The following ANK2 variants were observed in gnomAD, a reference collection of about 807,000 sequenced individuals.
ANK2 encodes ankyrin-2.
ANK2 carries 83 observed loss-of-function variants against 360.5 expected under a neutral mutation model. The observed-to-expected ratio is 0.23, with a 90% CI of 0.19 to 0.28. The LOEUF (loss-of-function observed/expected upper bound fraction) is 0.28. Ranked by LOEUF, ANK2 falls within the 10% of genes least tolerant of loss-of-function variation. ANK2 has a pLI of 1.00. For missense variants in ANK2, 4,201 were observed against 4,795.7 expected, an observed-to-expected ratio of 0.88 and a Z score of 3.66; for synonymous variants, 1,740 against 1,759.5, an observed-to-expected ratio of 0.99 and a Z score of 0.28.
intron 4 of ANK2, among the ~76,000 whole-genome samples, chr4:113,228,878 T>G (rs2099256928): frequency 6.6e-6 from 1 of 152,178 alleles, no homozygotes; most frequent in African/African-American, 2.4e-5. Context: ...ATCTCCTACT[T>G]TGATGGGTAA....
Position 112,924,264 on chromosome 4 carries a change from G to C in ANK2, c.21+19750G>C, listed in dbSNP as rs191165778. 2.0e-5 allele frequency among the ~76,000 whole-genome samples: 3 copies of C among 152,012 alleles called. No homozygotes were observed. The East Asian group carries it at 5.8e-4, about 29-fold the overall frequency. On this transcript the variant is annotated intron_variant, in intron 2 of 30. Coordinates refer to the ANK2 transcript ENST00000503271. ...GGCCCCTGTAATCCCAGCTACTCGG[G>C]AGGCTGAGGCAGAGAATTGCTTGAA... is the stretch of plus-strand genomic sequence containing the variant.
At chr4:112,841,796 C>T (rs959634588) in intron 1 of ANK2, among the ~76,000 whole-genome samples, 8 of 152,162 alleles carry the variant, frequency 5.3e-5, no homozygotes, top group African/African-American at 1.9e-4. Flanking sequence ...AGCCCTACCA[C>T]AGGGCAAAGT....
At chr4:112,995,779 T>A (rs1554042022) in intron 2 of ANK2, among the ~76,000 whole-genome samples, 1 of 152,176 alleles carries the variant, frequency 6.6e-6, no homozygotes, top group Non-Finnish European at 1.5e-5. Context: ...TGGTGATAGG[T>A]AGGGGTCCAG....
chr4:113,145,623 T>C, intron 1 of ANK2: 1 of 1,091,110 alleles, frequency 9.2e-7, no homozygotes, highest in Non-Finnish European at 1.1e-6. Flanking sequence ...AAAAATAGAC[T>C]GGCAGCGCCT....
chr4:113,327,721 T>C (rs2153902344), intron 26 of ANK2, among the ~76,000 whole-genome samples: 1 of 152,320 alleles, frequency 6.6e-6, no homozygotes, highest in East Asian at 1.9e-4. Flanking sequence ...TTCCAAGTAA[T>C]GACGAAACCA....
chr4:112,802,957 T>A, the ANK2 span, among the ~76,000 whole-genome samples: 6 of 152,198 alleles, frequency 3.9e-5, no homozygotes, highest in African/African-American at 1.2e-4. Context: ...GCTCAACTGG[T>A]ACTCACTGGT....
chr4:112,738,700 C>T, the ANK2 span: 1 of 603,400 alleles, frequency 1.7e-6, no homozygotes, highest in African/African-American at 1.8e-5. Flanking sequence ...GTTGTGAAGC[C>T]CAAGATCATT....
the ANK2 span, among the ~76,000 whole-genome samples, chr4:112,801,542 A>G: frequency 6.6e-6 from 1 of 152,312 alleles, no homozygotes; most frequent in African/African-American, 2.4e-5. Flanking sequence ...AGAGACCCCT[A>G]ACTTAGGCTA....
At chr4:113,099,080 T>C (rs1437886261) in intron 1 of ANK2, among the ~76,000 whole-genome samples, 1 of 151,936 alleles carries the variant, frequency 6.6e-6, no homozygotes, top group African/African-American at 2.4e-5. Flanking sequence ...CTAGCTGCTT[T>C]CCCCCTAAGA....
At chr4:113,041,519 C>G (rs540079890) in intron 2 of ANK2, among the ~76,000 whole-genome samples, 9 of 152,174 alleles carry the variant, frequency 5.9e-5, no homozygotes, top group Admixed American at 5.9e-4. Flanking sequence ...CCTGAAACTT[C>G]AGAGGAAGTG....
chr4:112,833,896 G>C (rs2060418206), intron 1 of ANK2, among the ~76,000 whole-genome samples: 1 of 152,222 alleles, frequency 6.6e-6, no homozygotes, highest in Non-Finnish European at 1.5e-5. Flanking sequence ...TGGTGCTCCA[G>C]TTCTCCTCCT....
At chr4:112,928,365 G>A (rs1411633534) in intron 2 of ANK2, among the ~76,000 whole-genome samples, 3 of 151,488 alleles carry the variant, frequency 2.0e-5, no homozygotes, top group African/African-American at 7.3e-5. Flanking sequence ...TGATACTGTG[G>A]TATGTAGTTA....
In ANK2 at chr4:113,381,994, T is replaced by C; in HGVS notation, c.*523T>C. On this transcript the variant is annotated 3_prime_UTR_variant, in exon 46 of 46. Transcript: ENST00000357077. ...CTCTTCAAGTGACACTATGTAGGAA[T>C]CCTTCCAAGGAATATCTATGTACAA... 1 of 290,462 alleles carries C rather than the reference T, an allele frequency of 3.4e-6. No individual in the cohort carries two copies. The highest frequency in any genetic ancestry group is 7.9e-5 in the East Asian group (1 of 12,648). The allele number at this position is 290,462 out of a possible 1,614,324, so 18.0% of individuals were successfully genotyped here. A position where few individuals can be genotyped will look rare whatever the true frequency, so the allele number is the denominator to read the frequency against.
At chr4:112,812,537 A>G in the ANK2 span, among the ~76,000 whole-genome samples, 1 of 152,222 alleles carries the variant, frequency 6.6e-6, no homozygotes, top group Non-Finnish European at 1.5e-5. Context: ...TCAATGTTCC[A>G]GTTCAGGCAC....
chr4:113,226,193 C>T (rs1460536494), intron 4 of ANK2, among the ~76,000 whole-genome samples: 1 of 152,170 alleles, frequency 6.6e-6, no homozygotes, highest in African/African-American at 2.4e-5. Context: ...GTATCCTCCC[C>T]ATTCCTCGCC....
At chr4:113,237,218 CA>C (rs1458468704) in intron 6 of ANK2, 46 bp downstream of exon 6, 3 of 1,572,026 alleles carry the variant, frequency 1.9e-6, no homozygotes, top group Non-Finnish European at 2.6e-6. Flanking sequence ...CTTTGGCTGC[CA>C]GACTCCTCCT....
intron 4 of ANK2, among the ~76,000 whole-genome samples, chr4:113,212,461 A>C (rs982172212): frequency 6.6e-6 from 1 of 152,076 alleles, no homozygotes; most frequent in Non-Finnish European, 1.5e-5. Flanking sequence ...CTTTATTTCT[A>C]CTCTTAAAGC....
At chr4:112,708,669 A>G in the ANK2 span, among the ~76,000 whole-genome samples, 1 of 152,282 alleles carries the variant, frequency 6.6e-6, no homozygotes, top group Non-Finnish European at 1.5e-5. Context: ...TGAAGCATCA[A>G]ACTATTTAAA....
intron 2 of ANK2, among the ~76,000 whole-genome samples, chr4:112,929,269 T>A (rs531031313): frequency 6.6e-6 from 1 of 152,376 alleles, no homozygotes; most frequent in Admixed American, 6.5e-5. Context: ...CTCCTTTCTT[T>A]GGTCAAAGTC....
Sources: allele counts gnomAD v4.1 joint callset (sites outside exome capture counted in the v4.1 genomes callset), GRCh38; gene constraint gnomAD v4.1.1; transcripts MANE v1.5; gene names NCBI Gene and HGNC (gene_info 2026-07-23, HGNC 2026-07-21).